LASP1: variants seen among roughly 807,000 people sequenced by gnomAD.
LASP1 encodes the protein LIM and SH3 protein 1.
LASP1 carries 10 observed loss-of-function variants against 38.6 expected under a neutral mutation model. That is an observed-to-expected ratio of 0.26 (90% CI 0.16 to 0.44). The LOEUF (loss-of-function observed/expected upper bound fraction) is 0.44, where lower values mean the gene tolerates loss of function less well. Ranked by LOEUF, LASP1 falls within the 20% of genes least tolerant of loss-of-function variation. The pLI, the probability that LASP1 is intolerant of heterozygous loss-of-function variation, is 1.00. For synonymous variants in LASP1, 132 were observed against 140.8 expected (o/e 0.94, Z 0.44); for missense variants, 243 against 375.7 (o/e 0.65, Z 2.92).
intron 2 of LASP1, among the ~76,000 whole-genome samples, chr17:38,882,717 C>G (rs1197547561): frequency 1.3e-5 from 2 of 152,190 alleles, no homozygotes; most frequent in African/African-American, 4.8e-5. Flanking sequence ...ATCGTTGTCT[C>G]CCTGCAGATA....
chr17:38,889,867 T>C (rs1382881533), intron 2 of LASP1, among the ~76,000 whole-genome samples: 1 of 152,202 alleles, frequency 6.6e-6, no homozygotes. Flanking sequence ...GGTTGGACCT[T>C]GTTAACCGTT....
chr17:38,878,540 T>G (rs934896410), intron 2 of LASP1, among the ~76,000 whole-genome samples: 2 of 152,192 alleles, frequency 1.3e-5, no homozygotes, highest in Non-Finnish European at 2.9e-5. Context: ...GGGGCTTTCC[T>G]CGTGGTCTTT....
At chr17:38,890,185 C>T (rs1914265042) in intron 2 of LASP1, 2 of 532,656 alleles carry the variant, frequency 3.8e-6, no homozygotes, top group Non-Finnish European at 6.8e-6. Flanking sequence ...TTCTCCTTGG[C>T]TGGCCCATCA....
intron 2 of LASP1, among the ~76,000 whole-genome samples, chr17:38,888,284 C>CTT (rs112476804): frequency 4.2e-5 from 6 of 144,086 alleles, no homozygotes; most frequent in African/African-American, 1.5e-4. Context: ...CCTGGCGTGA[C>CTT]TTTTTTTTTT....
At chr17:38,879,270 C>T (rs1301976779) in intron 2 of LASP1, among the ~76,000 whole-genome samples, 1 of 146,724 alleles carries the variant, frequency 6.8e-6, no homozygotes, top group African/African-American at 2.5e-5. Context: ...ATTCTTGTAC[C>T]TAAGCCTCCT....
chr17:38,902,048 T>A (rs1253631890), intron 4 of LASP1, among the ~76,000 whole-genome samples: 1 of 151,560 alleles, frequency 6.6e-6, no homozygotes, highest in Non-Finnish European at 1.5e-5. Context: ...ATTACAGGCG[T>A]GAGACACCGA....
At chr17:38,882,397 G>C (rs1261116760) in intron 2 of LASP1, among the ~76,000 whole-genome samples, 1 of 152,148 alleles carries the variant, frequency 6.6e-6, no homozygotes, top group Non-Finnish European at 1.5e-5. Flanking sequence ...ACAGGCACCT[G>C]CCACCATGCC....
intron 2 of LASP1, among the ~76,000 whole-genome samples, chr17:38,883,042 A>G (rs1438580602): frequency 6.6e-6 from 1 of 152,100 alleles, no homozygotes; most frequent in Non-Finnish European, 1.5e-5. Flanking sequence ...GTGTCAGACA[A>G]GGCTGGGTGC....
intron 1 of LASP1, among the ~76,000 whole-genome samples, chr17:38,876,038 G>C (rs1387931156): frequency 2.6e-5 from 4 of 152,088 alleles, no homozygotes; most frequent in Non-Finnish European, 5.9e-5. Flanking sequence ...CTGTTTGGTG[G>C]TGATCCAGCA....
chr17:38,897,907 G>A (rs1914532749), intron 3 of LASP1, among the ~76,000 whole-genome samples: 2 of 152,200 alleles, frequency 1.3e-5, no homozygotes, highest in African/African-American at 4.8e-5. Flanking sequence ...GCCACATCCT[G>A]GCTAACATGA....
intron 1 of LASP1, among the ~76,000 whole-genome samples, chr17:38,875,392 A>C (rs1017631733): frequency 1.3e-5 from 2 of 151,444 alleles, no homozygotes; most frequent in African/African-American, 4.9e-5. Context: ...GGGGGCAGGG[A>C]CCAGTCTGTC....
rs749015269 is a variant in LASP1, at chr17:38,878,188, C to A, written c.164+8C>A. On this transcript the variant is annotated splice_region_variant and intron_variant, in intron 2 of 6. Transcript: ENST00000318008. ...GAAGCCCTACTGCAACGCGTGAGTC[C>A]TGTTCTGGGCAGGGGGCTGGGTGGG... 9 of 1,605,028 alleles carry A rather than the reference C, an allele frequency of 5.6e-6. No individual in the cohort carries two copies. In the South Asian group the frequency reaches 9.9e-5, roughly 18 times the overall value.
chr17:38,870,279 C>G (rs779087090), intron 1 of LASP1, 21 bp downstream of exon 1: 2 of 1,612,614 alleles, frequency 1.2e-6, no homozygotes, highest in East Asian at 2.2e-5. Flanking sequence ...GACCGGGAGA[C>G]GCGTCTTTGC....
At chr17:38,900,235 C>T (rs1203041822) in intron 4 of LASP1, among the ~76,000 whole-genome samples, 2 of 148,720 alleles carry the variant, frequency 1.3e-5, no homozygotes, top group Admixed American at 1.3e-4. Context: ...CAAAAACTAG[C>T]CAGGCATGAT....
chr17:38,908,271 T>G (rs924222850), intron 4 of LASP1, among the ~76,000 whole-genome samples: 1 of 152,208 alleles, frequency 6.6e-6, no homozygotes, highest in Non-Finnish European at 1.5e-5. Context: ...GGGCAGGCTC[T>G]TTTCCTTAGC....
chr17:38,898,971 CTG>C, intron 4 of LASP1: 2 of 355,286 alleles, frequency 5.6e-6, no homozygotes, highest in African/African-American at 2.1e-5. Context: ...CTCTTCCTTC[CTG>C]TGTAAAAACC....
chr17:38,918,604 G>T lies in LASP1; in HGVS notation c.613-1G>T. On this transcript the variant is annotated splice_acceptor_variant, in intron 6 of 6. Transcript: ENST00000318008. LOFTEE classifies it high-confidence loss of function. This position sits in a 1 kb window ranked among gnomAD's most constrained non-coding sequence, Gnocchi z 4.4. The stretch of plus-strand genomic sequence containing the variant: ...CTAGGCTGACCACACTTCCCCCACA[G>T]AAGCGGTACCGCGCGGTGTATGACT... 1 of 1,582,996 alleles carries T rather than the reference G, an allele frequency of 6.3e-7. No homozygotes were observed. The highest frequency in any genetic ancestry group is 8.6e-7 in the Non-Finnish European group (1 of 1,158,460).
chr17:38,896,172 C>A (rs1471009634), intron 3 of LASP1, among the ~76,000 whole-genome samples: 4 of 151,614 alleles, frequency 2.6e-5, no homozygotes, highest in Admixed American at 2.6e-4. Flanking sequence ...TGGCCCCCCA[C>A]CCTTCACTTC....
chr17:38,880,893 G>T (rs955726243), intron 2 of LASP1, among the ~76,000 whole-genome samples: 8 of 152,104 alleles, frequency 5.3e-5, no homozygotes, highest in Non-Finnish European at 2.9e-5. Flanking sequence ...ATCACTTAAG[G>T]TCAGGAGTTC....
Sources: gnomAD v4.1 joint callset for allele counts (sites outside exome capture counted in the v4.1 genomes callset) on GRCh38, gnomAD v4.1.1 for gene constraint, Gnocchi (gnomAD v3.1) non-coding constraint, MANE v1.5 for transcripts, NCBI Gene and HGNC (gene_info 2026-07-23, HGNC 2026-07-21) for gene names.